Variants in MAGI2 observed in about 807,000 individuals in gnomAD.
The protein encoded by MAGI2 is membrane associated guanylate kinase, WW and PDZ domain containing 2.
MAGI2 carries 35 observed loss-of-function variants against 133.3 expected under a neutral mutation model. The ratio of observed to expected loss-of-function variants is 0.26; its 90% CI spans 0.20 to 0.35. MAGI2 has a LOEUF of 0.35. Ranked by LOEUF, MAGI2 falls within the 10% of genes least tolerant of loss-of-function variation. MAGI2 has a pLI of 1.00. For synonymous variants in MAGI2, 729 were observed against 710.6 expected (o/e 1.03, Z -0.41); for missense variants, 1,636 against 1,863.4 (o/e 0.88, Z 2.25).
intron 3 of MAGI2, among the ~76,000 whole-genome samples, chr7:78,589,813 A>G (rs189602867): frequency 2.2e-4 from 33 of 152,362 alleles, no homozygotes; most frequent in Non-Finnish European, 5.9e-5. Flanking sequence ...TTCAATATGG[A>G]AAGAGTAATG....
chr7:79,301,374 A>G (rs1390632383), intron 1 of MAGI2, among the ~76,000 whole-genome samples: 3 of 152,220 alleles, frequency 2.0e-5, no homozygotes, highest in Admixed American at 6.5e-5. Flanking sequence ...CTTTGCACCA[A>G]TGTGCCCTGG....
intron 12 of MAGI2, among the ~76,000 whole-genome samples, chr7:78,188,041 T>C (rs923434693): frequency 6.6e-6 from 1 of 152,172 alleles, no homozygotes; most frequent in Non-Finnish European, 1.5e-5. Context: ...TTTAAATTAC[T>C]AAATGAAATA....
intron 6 of MAGI2, among the ~76,000 whole-genome samples, chr7:78,401,450 CCTCT>C (rs1353028328): frequency 4.7e-5 from 2 of 42,450 alleles, no homozygotes; most frequent in Admixed American, 2.8e-4. Context: ...CCCTCTGTCT[CCTCT>C]CTCTGTCTCT....
At chr7:79,071,642 T>C (rs1429894738) in intron 1 of MAGI2, among the ~76,000 whole-genome samples, 7 of 130,338 alleles carry the variant, frequency 5.4e-5, no homozygotes, top group South Asian at 4.7e-4. Flanking sequence ...TTTTTTTTTT[T>C]CCAGAGATGC....
intron 21 of MAGI2, among the ~76,000 whole-genome samples, chr7:78,037,459 T>A (rs1810351176): frequency 3.3e-5 from 5 of 152,188 alleles, no homozygotes; most frequent in Admixed American, 3.3e-4. Flanking sequence ...GCCTATGAAT[T>A]TTTATTTCTG....
chr7:78,025,937 C>A (rs1177453144), intron 21 of MAGI2: 1 of 152,300 alleles, frequency 6.6e-6, no homozygotes, highest in Non-Finnish European at 1.5e-5. Context: ...GGAGCTCTGT[C>A]CCTGGGAAGT....
At chr7:78,432,575 T>A (rs528231553) in intron 6 of MAGI2, among the ~76,000 whole-genome samples, 1 of 152,220 alleles carries the variant, frequency 6.6e-6, no homozygotes, top group Non-Finnish European at 1.5e-5. Context: ...GAACAGAACA[T>A]ATTAGTATTT....
chr7:78,592,164 C>T (rs1405753491), intron 3 of MAGI2, among the ~76,000 whole-genome samples: 1 of 152,172 alleles, frequency 6.6e-6, no homozygotes, highest in African/African-American at 2.4e-5. Context: ...TTAAATATAG[C>T]ACTTTCCGGT....
intron 1 of MAGI2, among the ~76,000 whole-genome samples, chr7:79,280,791 G>A (rs2129557935): frequency 6.6e-6 from 1 of 151,760 alleles, no homozygotes; most frequent in East Asian, 1.9e-4. Flanking sequence ...CAGGCATGGT[G>A]GTGCGAACCT....
At chr7:78,587,227 C>A (rs576543904) in intron 3 of MAGI2, among the ~76,000 whole-genome samples, 1 of 152,248 alleles carries the variant, frequency 6.6e-6, no homozygotes, top group African/African-American at 2.4e-5. Context: ...CTTCTCCATA[C>A]CCTCACCTTA....
chr7:78,687,969 TA>T (rs72030909), intron 2 of MAGI2, among the ~76,000 whole-genome samples: 827 of 66,946 alleles, frequency 0.012, 2 homozygotes, highest in East Asian at 0.054. Context: ...GTCCTTGCCT[TA>T]AAAAAAAAAA....
At chr7:78,878,757 G>A (rs144901087) in intron 2 of MAGI2, among the ~76,000 whole-genome samples, 26 of 152,278 alleles carry the variant, frequency 1.7e-4, no homozygotes, top group African/African-American at 5.1e-4. Flanking sequence ...AAACAAAATC[G>A]TGGTGCAGTG....
rs1185610631 is a variant in MAGI2, at chr7:79,171,764, ATATATATTTTT to A, written c.302-164569_302-164559del. Among the ~76,000 whole-genome samples, 17 of 24,792 alleles carry A rather than the reference ATATATATTTTT, an allele frequency of 6.9e-4. 1 individual carries two copies. Among genetic ancestry groups the A allele is most frequent in the African/African-American group, 1.4e-3 (15 of 10,504 alleles). 16.3% of individuals were successfully genotyped at this position (24,792 alleles called of 152,430 possible). ...CAAAAATATATATATATATATATAT[ATATATATTTTT>A]TTTTTTTTTTTCTTTTAAAGGGTCT... On this transcript the variant is annotated intron_variant, in intron 1 of 21. Coordinates refer to ENST00000354212, the MANE Select transcript of MAGI2 (RefSeq NM_012301.4).
Position 78,107,082 on chromosome 7 carries a change from A to G in MAGI2, c.3567+18612T>C, listed in dbSNP as rs111318372. Among the ~76,000 whole-genome samples, 313 of 152,286 alleles carry G rather than the reference A, an allele frequency of 2.1e-3. 1 individual carries two copies. The highest frequency in any genetic ancestry group is 7.3e-3 in the African/African-American group (305 of 41,580). ...TTCATTCTTCTGCATATGGATATCC[A>G]GTTTTCCCAGCACCATTTTTGAACA... On this transcript the variant is annotated intron_variant, in intron 20 of 21. Coordinates refer to ENST00000354212, the MANE Select transcript of MAGI2 (RefSeq NM_012301.4).
At chr7:79,131,969 T>C (rs1338565611) in intron 1 of MAGI2, among the ~76,000 whole-genome samples, 1 of 152,136 alleles carries the variant, frequency 6.6e-6, no homozygotes, top group African/African-American at 2.4e-5. Flanking sequence ...AAACCAGATA[T>C]TAATTCATTT....
rs1318592447 is a variant in MAGI2, at chr7:78,017,485, A to G, written c.*1830T>C. ...GGACGTGCAGCTACACTACAGAAGC[A>G]TTGTCCAAAACCAGATTCAATAAAT... On this transcript the variant is annotated 3_prime_UTR_variant, in exon 22 of 22. Transcript: ENST00000354212. The G allele has an allele frequency of 6.6e-6, 1 of 152,524 alleles. No individual in the cohort carries two copies. The highest frequency in any genetic ancestry group is 1.5e-5 in the Non-Finnish European group (1 of 68,036). The allele number at this position is 152,524 out of a possible 1,614,324, so 9.4% of individuals were successfully genotyped here.
chr7:78,586,513 C>G (rs1240173205), intron 3 of MAGI2, among the ~76,000 whole-genome samples: 2 of 152,304 alleles, frequency 1.3e-5, no homozygotes, highest in Non-Finnish European at 2.9e-5. Context: ...GCAGACTGAA[C>G]TAACACAATC....
intron 1 of MAGI2, among the ~76,000 whole-genome samples, chr7:79,305,065 A>G (rs945209184): frequency 2.6e-5 from 4 of 152,224 alleles, no homozygotes; most frequent in Non-Finnish European, 5.9e-5. Context: ...AGATGAGGAA[A>G]TGTCAACAGA....
intron 1 of MAGI2, among the ~76,000 whole-genome samples, chr7:79,204,446 C>G (rs895134367): frequency 3.3e-5 from 5 of 152,056 alleles, no homozygotes; most frequent in Admixed American, 3.3e-4. Context: ...GCAGCTGCAC[C>G]AGGCTTCTGG....
Sources: gnomAD v4.1 joint callset for allele counts (sites outside exome capture counted in the v4.1 genomes callset) on GRCh38, gnomAD v4.1.1 for gene constraint, MANE v1.5 for transcripts, NCBI Gene and HGNC (gene_info 2026-07-23, HGNC 2026-07-21) for gene names.